Variants in DLGAP2 observed in about 807,000 individuals in gnomAD.
The protein encoded by DLGAP2 is DLG associated protein 2.
A neutral mutation model predicts 100.3 loss-of-function variants in DLGAP2; 26 were observed. The ratio of observed to expected loss-of-function variants is 0.26; its 90% CI spans 0.19 to 0.36. The LOEUF is 0.36. DLGAP2 is among the 10% of genes least tolerant of loss of function. The pLI, the probability that DLGAP2 is intolerant of heterozygous loss-of-function variation, is 1.00. For missense variants in DLGAP2, 1,858 were observed against 1,453.2 expected, an observed-to-expected ratio of 1.28 and a Z score of -4.53; for synonymous variants, 886 against 630.1, an observed-to-expected ratio of 1.41 and a Z score of -6.08.
At chr8:1,131,973 G>A (rs916002024) in intron 2 of DLGAP2, among the ~76,000 whole-genome samples, 3 of 152,186 alleles carry the variant, frequency 2.0e-5, no homozygotes, top group Admixed American at 1.3e-4. Flanking sequence ...GATCGATGGT[G>A]TCTTAAGCTT....
chr8:1,620,766 G>A (rs752446035), intron 6 of DLGAP2, among the ~76,000 whole-genome samples: 24 of 152,086 alleles, frequency 1.6e-4, no homozygotes, highest in African/African-American at 4.8e-4. Context: ...CAGGCACCTC[G>A]TCCTCCAGGC....
intron 2 of DLGAP2, among the ~76,000 whole-genome samples, chr8:1,123,679 C>CT (rs1203553575): frequency 3.3e-5 from 5 of 152,140 alleles, no homozygotes; most frequent in African/African-American, 7.2e-5. Context: ...CTCTTTTTCT[C>CT]TTTTTTTCTC....
chr8:1,415,722 C>T (rs373994546), intron 3 of DLGAP2, among the ~76,000 whole-genome samples: 1 of 152,208 alleles, frequency 6.6e-6, no homozygotes, highest in Non-Finnish European at 1.5e-5. Flanking sequence ...TTGATGGGCA[C>T]CTGGGTTGCT....
At chr8:1,176,327 C>G (rs763671600) in intron 2 of DLGAP2, among the ~76,000 whole-genome samples, 5 of 150,264 alleles carry the variant, frequency 3.3e-5, no homozygotes, top group Admixed American at 6.6e-5. Context: ...AGGTTCCTCG[C>G]TCCACACATG....
intron 2 of DLGAP2, among the ~76,000 whole-genome samples, chr8:1,180,621 C>CACTT (rs61469467): frequency 0.58 from 87,043 of 151,302 alleles, 25,260 homozygotes; most frequent in Admixed American, 0.66. Flanking sequence ...GAGGGCAGCA[C>CACTT]ACCATCAAGC....
intron 2 of DLGAP2, among the ~76,000 whole-genome samples, chr8:1,113,711 T>C (rs1033440869): frequency 1.3e-5 from 2 of 152,116 alleles, no homozygotes; most frequent in Non-Finnish European, 2.9e-5. Flanking sequence ...CTGATTGCCC[T>C]GGCCAGAACT....
intron 4 of DLGAP2, among the ~76,000 whole-genome samples, chr8:1,514,857 G>C (rs896067194): frequency 3.3e-5 from 5 of 152,202 alleles, no homozygotes; most frequent in Non-Finnish European, 2.9e-5. Flanking sequence ...CCCAGAGTCT[G>C]ACAGAGCTGC....
At chr8:1,516,215 A>T (rs1331273341) in intron 4 of DLGAP2, among the ~76,000 whole-genome samples, 2 of 151,654 alleles carry the variant, frequency 1.3e-5, no homozygotes, top group Non-Finnish European at 2.9e-5. Flanking sequence ...GTGTGCATGA[A>T]TGAGTGAGTG....
At chr8:1,041,713 T>TCAGCGG (rs1802355144) in intron 2 of DLGAP2, among the ~76,000 whole-genome samples, 1 of 114,452 alleles carries the variant, frequency 8.7e-6, no homozygotes. Flanking sequence ...TTGCCGTGGG[T>TCAGCGG]GAGTGTTCTC....
At position 1,283,977 on chromosome 8, in the gene DLGAP2, C is replaced by T. The variant is rs75008206; in HGVS notation, c.106+25094C>T. Among the ~76,000 whole-genome samples the T allele has an allele frequency of 5.6e-3, 858 of 152,294 alleles. 5 individuals carry two copies. The highest frequency in any genetic ancestry group is 0.019 in the African/African-American group (796 of 41,558). ...TAACGTTCAAAGTGATTGTCATTCA[C>T]GACGGAGTTCTAGATGCCTATTATC... On this transcript the variant is annotated intron_variant, in intron 3 of 14. Coordinates refer to ENST00000637795, the MANE Select transcript of DLGAP2 (RefSeq NM_001346810.2).
At chr8:1,423,385 G>T (rs879267654) in intron 3 of DLGAP2, among the ~76,000 whole-genome samples, 22 of 152,288 alleles carry the variant, frequency 1.4e-4, no homozygotes, top group Middle Eastern at 3.4e-3. Flanking sequence ...TCTGGGAGGG[G>T]TCTGGACTGG....
In DLGAP2 at chr8:1,112,587, T is replaced by C. The variant is rs1804995340; in HGVS notation, c.74-146264T>C. ...GGGTTGTTTTTCTCTTGTAAATTTG[T>C]TTAAGTTCCTTATAGATACTGGATA... On this transcript the variant is annotated intron_variant, in intron 2 of 14. Coordinates refer to ENST00000637795, the MANE Select transcript of DLGAP2 (RefSeq NM_001346810.2). 2.6e-5 allele frequency among the ~76,000 whole-genome samples: 4 copies of C among 152,226 alleles called. No homozygotes were observed. The South Asian group carries it at 8.3e-4, about 32-fold the overall frequency.
intron 4 of DLGAP2, among the ~76,000 whole-genome samples, chr8:1,502,612 T>C (rs988530206): frequency 1.3e-5 from 2 of 152,216 alleles, no homozygotes; most frequent in Admixed American, 6.5e-5. Flanking sequence ...GAAGGAACAG[T>C]GGCTATCATG....
At chr8:1,458,963 C>T (rs1465925693) in intron 3 of DLGAP2, among the ~76,000 whole-genome samples, 1 of 149,400 alleles carries the variant, frequency 6.7e-6, no homozygotes, top group Non-Finnish European at 1.5e-5. Flanking sequence ...GAGTGACAAC[C>T]AGGTGGTTTA....
chr8:922,463 ACT>A (rs898789973), intron 2 of DLGAP2, among the ~76,000 whole-genome samples: 9 of 152,240 alleles, frequency 5.9e-5, no homozygotes, highest in South Asian at 2.1e-4. Flanking sequence ...TGAAAAGAAG[ACT>A]CTGCACTAAA....
chr8:921,261 T>C lies in DLGAP2; in HGVS notation c.73+13295T>C, dbSNP rs554868751. 3.3e-5 allele frequency among the ~76,000 whole-genome samples: 5 copies of C among 152,340 alleles called. No homozygotes were observed. In the East Asian group the frequency reaches 9.7e-4, roughly 29 times the overall value. ...CCCCTGATTTCCGTGGCGCACACTT[T>C]CCTGGGCTCAGGGTTTAAATGTTGG... On this transcript the variant is annotated intron_variant, in intron 2 of 14. Transcript: ENST00000637795.
chr8:1,458,707 A>C (rs1798389070), intron 3 of DLGAP2, among the ~76,000 whole-genome samples: 1 of 152,314 alleles, frequency 6.6e-6, no homozygotes. Context: ...TTCCCTGGGG[A>C]AGACAGGGTT....
intron 2 of DLGAP2, among the ~76,000 whole-genome samples, chr8:1,187,560 T>G (rs1435589362): frequency 2.0e-5 from 3 of 146,778 alleles, no homozygotes; most frequent in Non-Finnish European, 4.5e-5. Context: ...GACGTTTGCC[T>G]CACGGAATCT....
At chr8:1,005,795 T>C (rs1056589435) in intron 2 of DLGAP2, among the ~76,000 whole-genome samples, 6 of 152,156 alleles carry the variant, frequency 3.9e-5, no homozygotes, top group Non-Finnish European at 5.9e-5. Flanking sequence ...TCTCTTGTAC[T>C]TGTATTGAGT....
Sources: allele counts gnomAD v4.1 joint callset (sites outside exome capture counted in the v4.1 genomes callset), GRCh38; gene constraint gnomAD v4.1.1; transcripts MANE v1.5; gene names NCBI Gene and HGNC (gene_info 2026-07-23, HGNC 2026-07-21).